Variants in GSDME observed in about 807,000 individuals in gnomAD.
The protein encoded by GSDME is gasdermin-E.
GSDME carries 44 observed loss-of-function variants against 47.5 expected under a neutral mutation model. The ratio of observed to expected loss-of-function variants is 0.93; its 90% CI spans 0.73 to 1.19. The LOEUF (loss-of-function observed/expected upper bound fraction) is 1.19, where lower values mean the gene tolerates loss of function less well. Among genes scored for constraint, GSDME ranks in the 50% most tolerant of loss-of-function variants. The pLI, the probability that GSDME is intolerant of heterozygous loss-of-function variation, is 0.00. For missense variants in GSDME, 663 were observed against 604.2 expected (o/e 1.10, Z -1.02); for synonymous variants, 258 against 252.8 (o/e 1.02, Z -0.20).
chr7:24,771,077 A>T, the GSDME span, among the ~76,000 whole-genome samples: 4 of 152,204 alleles, frequency 2.6e-5, no homozygotes, highest in Admixed American at 6.5e-5. The surrounding 1 kb of genome is among the most constrained non-coding windows in gnomAD (Gnocchi z 4.1). Context: ...ATAAATGACA[A>T]AAAAACTAAA....
At chr7:24,717,499 G>A (rs1449456913) in intron 4 of GSDME, 125 bp from the exon 5 acceptor site, 4 of 1,447,806 alleles carry the variant, frequency 2.8e-6, no homozygotes, top group African/African-American at 1.4e-5. Context: ...GAACCGAGTG[G>A]AACAGAGGAG....
chr7:24,778,037 GAA>G, the GSDME span, among the ~76,000 whole-genome samples: 1 of 144,614 alleles, frequency 6.9e-6, no homozygotes, highest in African/African-American at 2.5e-5. This position sits in a 1 kb window ranked among gnomAD's most constrained non-coding sequence, Gnocchi z 5.6. Context: ...GGCCGGGAAT[GAA>G]AAAAAAAAGA....
At chr7:24,707,807 T>A in intron 7 of GSDME, 1 of 521,880 alleles carries the variant, frequency 1.9e-6, no homozygotes, top group Non-Finnish European at 3.4e-6. Context: ...AGCAGAATTC[T>A]CTCCTAGATC....
At chr7:24,768,434 T>C in the GSDME span, among the ~76,000 whole-genome samples, 1 of 152,140 alleles carries the variant, frequency 6.6e-6, no homozygotes, top group Non-Finnish European at 1.5e-5. The surrounding 1 kb of genome is among the most constrained non-coding windows in gnomAD (Gnocchi z 5.6). Flanking sequence ...GGAACAGCCT[T>C]GCATGTCAAC....
In GSDME at chr7:24,732,700, G is replaced by A. The variant is rs886999633; in HGVS notation, c.404+11862C>T. Reference sequence around the variant, plus strand: ...CAACACCGGGCAGAACTCAGCCAGCGCCCACTGAGGGAGCATGTAGACCAG... The same window carrying A: ...CAACACCGGGCAGAACTCAGCCAGCACCCACTGAGGGAGCATGTAGACCAG... On this transcript the variant is annotated intron_variant, in intron 3 of 9. Transcript: ENST00000645220. This position sits in a 1 kb window ranked among gnomAD's most constrained non-coding sequence, Gnocchi z 4.8. Among the ~76,000 whole-genome samples, 2 of 152,186 alleles carry A rather than the reference G, an allele frequency of 1.3e-5. No individual in the cohort carries two copies. The highest frequency in any genetic ancestry group is 2.9e-5 in the Non-Finnish European group (2 of 68,038).
chr7:24,759,656 A>G (rs1017251832), upstream of GSDME, among the ~76,000 whole-genome samples: 3 of 152,192 alleles, frequency 2.0e-5, no homozygotes, highest in Non-Finnish European at 4.4e-5. Flanking sequence ...GTTGTTCAGC[A>G]CCATCTGAGT....
At chr7:24,702,252 C>T (rs1213768194) in intron 9 of GSDME, among the ~76,000 whole-genome samples, 2 of 152,220 alleles carry the variant, frequency 1.3e-5, no homozygotes, top group Non-Finnish European at 2.9e-5. Context: ...CATTACCTAA[C>T]TCATGCTCTT....
chr7:24,733,344 CG>C lies in GSDME; in HGVS notation c.404+11217del. On this transcript the variant is annotated intron_variant, in intron 3 of 9. Coordinates refer to ENST00000645220, the MANE Select transcript of GSDME (RefSeq NM_001127453.2). The surrounding 1 kb of genome is among the most constrained non-coding windows in gnomAD (Gnocchi z 4.3). ...GACCCAGCTGTGGTCAGGTGTGACT[CG>C]GCACTTTCACAGCTGTGCTGGCTAT... Among the ~76,000 whole-genome samples, 1 of 152,128 alleles carries C rather than the reference CG, an allele frequency of 6.6e-6. No individual in the cohort carries two copies. The highest frequency in any genetic ancestry group is 1.5e-5 in the Non-Finnish European group (1 of 67,998).
intron 9 of GSDME, 112 bp from the exon 10 acceptor site, chr7:24,699,371 C>T: frequency 1.3e-6 from 1 of 765,268 alleles, no homozygotes. Context: ...GAGATGGAGT[C>T]TTGCTCTGTC....
chr7:24,791,158 T>C, the GSDME span, among the ~76,000 whole-genome samples: 1 of 152,044 alleles, frequency 6.6e-6, no homozygotes, highest in Admixed American at 6.5e-5. This position sits in a 1 kb window ranked among gnomAD's most constrained non-coding sequence, Gnocchi z 4.8. Flanking sequence ...CCTTGACCAC[T>C]GTGGGAGTGG....
chr7:24,729,340 G>C (rs534533305), intron 3 of GSDME, among the ~76,000 whole-genome samples: 2 of 152,232 alleles, frequency 1.3e-5, no homozygotes, highest in Non-Finnish European at 2.9e-5. Context: ...CCACATTCAG[G>C]CTCCTCAGTT....
At chr7:24,792,569 A>T in the GSDME span, among the ~76,000 whole-genome samples, 1 of 152,260 alleles carries the variant, frequency 6.6e-6, no homozygotes, top group Non-Finnish European at 1.5e-5. Flanking sequence ...TAATAACTAG[A>T]TGGTCAGCAA....
At chr7:24,740,243 A>G (rs1790444016) in intron 3 of GSDME, among the ~76,000 whole-genome samples, 1 of 152,144 alleles carries the variant, frequency 6.6e-6, no homozygotes, top group Non-Finnish European at 1.5e-5. Flanking sequence ...AATTGACCTC[A>G]TGGAGATAGA....
At chr7:24,788,771 C>T in the GSDME span, among the ~76,000 whole-genome samples, 4 of 152,064 alleles carry the variant, frequency 2.6e-5, no homozygotes, top group African/African-American at 2.4e-5. The surrounding 1 kb of genome is among the most constrained non-coding windows in gnomAD (Gnocchi z 4.6). Flanking sequence ...TAAAATATTC[C>T]GAGGCTGCCT....
the GSDME span, among the ~76,000 whole-genome samples, chr7:24,783,958 G>A: frequency 6.6e-6 from 1 of 152,112 alleles, no homozygotes; most frequent in Non-Finnish European, 1.5e-5. Context: ...TGGAAATGTG[G>A]ATGGCAAGGT....
At chr7:24,768,656 G>A in the GSDME span, among the ~76,000 whole-genome samples, 2 of 152,188 alleles carry the variant, frequency 1.3e-5, no homozygotes, top group Non-Finnish European at 2.9e-5. This position sits in a 1 kb window ranked among gnomAD's most constrained non-coding sequence, Gnocchi z 5.6. Context: ...CCCTTGAAAC[G>A]TCAGCCTCTG....
chr7:24,710,428 G>A, intron 5 of GSDME, 40 bp from the exon 6 acceptor site: 1 of 1,610,046 alleles, frequency 6.2e-7, no homozygotes, highest in Non-Finnish European at 8.5e-7. Context: ...GTAAAGTTGA[G>A]TCTAAGGTGT....
At position 24,716,098 on chromosome 7, in the gene GSDME, C is replaced by A. The variant is rs1349117825; in HGVS notation, c.697+1156G>T. The stretch of plus-strand genomic sequence containing the variant: ...AGCTGTCTCACGGGAGACTGCCCCC[C>A]ACCCGCCTTCCACAAATGGGGGAGA... On this transcript the variant is annotated intron_variant, in intron 5 of 9. Transcript: ENST00000645220. This position sits in a 1 kb window ranked among gnomAD's most constrained non-coding sequence, Gnocchi z 4.5. Among the ~76,000 whole-genome samples, 1 of 152,242 alleles carries A rather than the reference C, an allele frequency of 6.6e-6. No homozygotes were observed. Among genetic ancestry groups the A allele is most frequent in the African/African-American group, 2.4e-5 (1 of 41,466 alleles).
intron 3 of GSDME, among the ~76,000 whole-genome samples, chr7:24,722,303 A>G (rs1172413828): frequency 6.6e-6 from 1 of 152,244 alleles, no homozygotes; most frequent in African/African-American, 2.4e-5. Flanking sequence ...GATGGGGGAA[A>G]TGGAGGATCT....
Sources: gnomAD v4.1 joint callset for allele counts (sites outside exome capture counted in the v4.1 genomes callset) on GRCh38, gnomAD v4.1.1 for gene constraint, Gnocchi (gnomAD v3.1) non-coding constraint, MANE v1.5 for transcripts, NCBI Gene and HGNC (gene_info 2026-07-23, HGNC 2026-07-21) for gene names.